The following SHC2 variants were observed in gnomAD, a reference collection of about 807,000 sequenced individuals.
SHC2 encodes SHC adaptor protein 2.
Under a neutral mutation model 60.6 loss-of-function variants are expected in SHC2, and 62 were observed. The ratio of observed to expected loss-of-function variants is 1.02; its 90% confidence interval spans 0.83 to 1.26. SHC2 has a LOEUF of 1.26. Ranked by LOEUF, SHC2 falls within the 50% of genes most tolerant of loss-of-function variation. The pLI is 0.00. For synonymous variants in SHC2, 375 were observed against 372.4 expected (o/e 1.01, Z -0.08); for missense variants, 873 against 822.2 (o/e 1.06, Z -0.76).
chr19:441,138 A>T lies in SHC2; in HGVS notation c.469-206T>A. Reference sequence around the variant, plus strand: ...CGAGCCGCCCCCTCTGACTCCAGGCATGTTTTTCTGTGTTGCTGTTTCTCA... The same window carrying T: ...CGAGCCGCCCCCTCTGACTCCAGGCTTGTTTTTCTGTGTTGCTGTTTCTCA... On this transcript the variant is annotated intron_variant, in intron 1 of 12. Coordinates refer to ENST00000264554, the MANE Select transcript of SHC2 (RefSeq NM_012435.3). The surrounding 1 kb of genome is among the most constrained non-coding windows in gnomAD (Gnocchi z 4.9). 1.0e-6 allele frequency: 1 copy of T among 985,048 alleles called. No homozygotes were observed. The highest frequency in any genetic ancestry group is 1.2e-6 in the Non-Finnish European group (1 of 829,862). The allele number at this position is 985,048 out of a possible 1,614,324, so 61.0% of individuals were successfully genotyped here.
At chr19:447,289 G>A (rs1457843863) in intron 1 of SHC2, among the ~76,000 whole-genome samples, 6 of 151,904 alleles carry the variant, frequency 3.9e-5, no homozygotes, top group Non-Finnish European at 8.8e-5. Flanking sequence ...GGGACGCGTG[G>A]GCGCCGGGGA....
rs1409330393 is a variant in SHC2 at position 441,162 on chromosome 19, C to G, written c.469-230G>C. On this transcript the variant is annotated intron_variant, in intron 1 of 12. Transcript: ENST00000264554. This position sits in a 1 kb window ranked among gnomAD's most constrained non-coding sequence, Gnocchi z 4.9. ...CATGTTTTTCTGTGTTGCTGTTTCT[C>G]AGGAGCCTGGTGGTTCCCCCAGACG... is the stretch of plus-strand genomic sequence containing the variant. 1.0e-6 allele frequency: 1 copy of G among 985,028 alleles called. No individual in the cohort carries two copies. Among genetic ancestry groups the G allele is most frequent in the Non-Finnish European group, 1.2e-6 (1 of 829,870 alleles). 61.0% of individuals were successfully genotyped at this position (985,028 alleles called of 1,614,324 possible). A position where few individuals can be genotyped will look rare whatever the true frequency, so the allele number is the denominator to read the frequency against.
intron 12 of SHC2, among the ~76,000 whole-genome samples, chr19:418,127 G>T (rs529870531): frequency 9.2e-5 from 14 of 152,178 alleles, no homozygotes; most frequent in Admixed American, 2.6e-4. Context: ...GGGTCCCCCC[G>T]GGCCCCGCAC....
At chr19:417,654 A>C (rs1974184091) in intron 12 of SHC2, among the ~76,000 whole-genome samples, 1 of 152,230 alleles carries the variant, frequency 6.6e-6, no homozygotes, top group South Asian at 2.1e-4. Flanking sequence ...ACTGCCTTCC[A>C]GGTTATTTCT....
chr19:436,756 G>A (rs879850928), intron 4 of SHC2, 73 bp from the exon 5 acceptor site: 36 of 1,407,248 alleles, frequency 2.6e-5, no homozygotes, highest in Non-Finnish European at 3.2e-5. Context: ...GATGGACCAG[G>A]ACCACAGCGA....
chr19:454,998 C>G (rs1011334938), intron 1 of SHC2, among the ~76,000 whole-genome samples: 21 of 152,334 alleles, frequency 1.4e-4, no homozygotes, highest in African/African-American at 4.8e-4. Context: ...TGCCCTCACT[C>G]AGCTTCTCAT....
At chr19:437,265 C>T (rs75964388) in intron 4 of SHC2, among the ~76,000 whole-genome samples, 3 of 151,848 alleles carry the variant, frequency 2.0e-5, no homozygotes, top group Non-Finnish European at 4.4e-5. Context: ...TTTGCGTGCT[C>T]GTCTGCGTGC....
intron 7 of SHC2, 104 bp from the exon 8 acceptor site, chr19:434,969 C>T (rs1245302081): frequency 1.6e-6 from 2 of 1,245,396 alleles, no homozygotes; most frequent in African/African-American, 1.5e-5. Context: ...AGTTCGAATC[C>T]CAGCCCCCCA....
intron 1 of SHC2, among the ~76,000 whole-genome samples, chr19:450,457 T>C (rs964517544): frequency 2.6e-5 from 4 of 152,144 alleles, no homozygotes; most frequent in African/African-American, 9.7e-5. Flanking sequence ...CTCCAGAACG[T>C]CCTCATCTTC....
intron 9 of SHC2, among the ~76,000 whole-genome samples, chr19:430,471 A>C (rs1475130064): frequency 6.6e-6 from 1 of 152,254 alleles, no homozygotes; most frequent in Non-Finnish European, 1.5e-5. Context: ...TGGATAATGT[A>C]GTACTTATAC....
At chr19:448,104 T>G (rs1337880485) in intron 1 of SHC2, among the ~76,000 whole-genome samples, 4 of 152,172 alleles carry the variant, frequency 2.6e-5, no homozygotes, top group Non-Finnish European at 5.9e-5. Flanking sequence ...GGGCGTGCAC[T>G]GCGACGTCCC....
At chr19:452,368 G>T (rs1203064059) in intron 1 of SHC2, among the ~76,000 whole-genome samples, 1 of 106,970 alleles carries the variant, frequency 9.3e-6, no homozygotes, top group East Asian at 2.6e-4. Context: ...TACTGACTTG[G>T]GGGGAATTCC....
chr19:441,074 G>C lies in SHC2; in HGVS notation c.469-142C>G. 2 of 1,492,644 alleles carry C rather than the reference G, an allele frequency of 1.3e-6. No homozygotes were observed. Among genetic ancestry groups the C allele is most frequent in the Non-Finnish European group, 1.8e-6 (2 of 1,115,758 alleles). The allele number at this position is 1,492,644 out of a possible 1,614,324, so 92.5% of individuals were successfully genotyped here. A position where few individuals can be genotyped will look rare whatever the true frequency, so the allele number is the denominator to read the frequency against. On this transcript the variant is annotated intron_variant, in intron 1 of 12. Coordinates refer to ENST00000264554, the MANE Select transcript of SHC2 (RefSeq NM_012435.3). This position sits in a 1 kb window ranked among gnomAD's most constrained non-coding sequence, Gnocchi z 4.9. Reference sequence around the variant, plus strand: ...TCCCTGGTGGCTCTGGGGCCGTCGTGCCTCCCCCACCTCAAGGCCCAGCCT... The same window carrying C: ...TCCCTGGTGGCTCTGGGGCCGTCGTCCCTCCCCCACCTCAAGGCCCAGCCT...
chr19:444,808 G>C (rs925897266), intron 1 of SHC2, among the ~76,000 whole-genome samples: 1 of 152,210 alleles, frequency 6.6e-6, no homozygotes, highest in African/African-American at 2.4e-5. Flanking sequence ...CTAACTCAGG[G>C]CGCTTGTCAC....
At chr19:451,253 G>A (rs1434176695) in intron 1 of SHC2, among the ~76,000 whole-genome samples, 1 of 104,252 alleles carries the variant, frequency 9.6e-6, no homozygotes, top group Non-Finnish European at 2.5e-5. Context: ...GTGTGTGGAT[G>A]GCCACGCCGT....
chr19:461,004 GC>G lies in SHC2; in HGVS notation c.-9del. ...GCCCGGACCCTGCGTCATGGCCGCG[GC>G]CGCCCGACGGAGCCCGACCGGGCGC... On this transcript the variant is annotated 5_prime_UTR_variant, in exon 1 of 13. Transcript: ENST00000264554. 1 of 944,370 alleles carries G rather than the reference GC, an allele frequency of 1.1e-6. No homozygotes were observed. The highest frequency in any genetic ancestry group is 1.3e-6 in the Non-Finnish European group (1 of 792,386). The allele number at this position is 944,370 out of a possible 1,614,324, so 58.5% of individuals were successfully genotyped here. A position where few individuals can be genotyped will look rare whatever the true frequency, so the allele number is the denominator to read the frequency against.
chr19:443,955 T>G (rs1238818689), intron 1 of SHC2, among the ~76,000 whole-genome samples: 3 of 96,934 alleles, frequency 3.1e-5, no homozygotes, highest in African/African-American at 4.2e-5. Flanking sequence ...GATGGGTGGG[T>G]GGATGGAGGG....
chr19:460,648 C>T lies in SHC2; in HGVS notation c.349G>A (p.Gly117Arg), dbSNP rs777797582. 7.3e-6 allele frequency: 9 copies of T among 1,230,408 alleles called. No individual in the cohort carries two copies. The highest frequency in any genetic ancestry group is 6.4e-5 in the African/African-American group (4 of 62,022). 76.2% of individuals were successfully genotyped at this position (1,230,408 alleles called of 1,614,324 possible). ...SRGGRGAAGS[G>R]DAAAAAEWIR... ...CACTCGGCGGCGGCGGCGGCGTCCC[C>T]GGACCCCGCCGCCCCCCGCCCGCCC... The change falls in exon 1 of 13, where the codon GGG becomes AGG. Residue 117 changes from glycine (G) to arginine (R), a missense_variant. By Grantham distance (125) the Gly-to-Arg change is moderately radical. Transcript: ENST00000264554.
intron 1 of SHC2, among the ~76,000 whole-genome samples, chr19:454,080 A>G (rs1975270443): frequency 2.0e-5 from 3 of 152,232 alleles, no homozygotes. Flanking sequence ...AAGCCCAAAG[A>G]TCAGGCGTCA....
Sources: gnomAD v4.1 joint callset for allele counts (sites outside exome capture counted in the v4.1 genomes callset) on GRCh38, gnomAD v4.1.1 for gene constraint, Gnocchi (gnomAD v3.1) non-coding constraint, MANE v1.5 for transcripts, NCBI Gene and HGNC (gene_info 2026-07-23, HGNC 2026-07-21) for gene names.